PTPRD: variants seen among roughly 807,000 people sequenced by gnomAD.
PTPRD encodes the protein receptor-type tyrosine-protein phosphatase delta.
In PTPRD, 34 loss-of-function variants were observed where a neutral mutation model predicts 214.5. The observed-to-expected ratio is 0.16, with a 90% CI of 0.12 to 0.21. PTPRD has a LOEUF of 0.21. Among genes scored for constraint, PTPRD ranks in the 10% least tolerant of loss-of-function variants. The pLI is 1.00. For synonymous variants in PTPRD, 1,128 were observed against 845.7 expected (o/e 1.33, Z -5.79); for missense variants, 2,545 against 2,398.7 (o/e 1.06, Z -1.27).
intron 2 of PTPRD, among the ~76,000 whole-genome samples, chr9:10,487,847 T>TAA (rs1206683292): frequency 2.1e-5 from 3 of 143,880 alleles, no homozygotes; most frequent in African/African-American, 7.7e-5. Flanking sequence ...TTTTTTTTTT[T>TAA]AAAAAGGAGA....
At chr9:9,566,842 T>C (rs2084698053) in intron 8 of PTPRD, among the ~76,000 whole-genome samples, 1 of 151,980 alleles carries the variant, frequency 6.6e-6, no homozygotes, top group African/African-American at 2.4e-5. Context: ...ATGAAAGAAA[T>C]GCTCCGAACA....
chr9:9,334,048 A>C (rs1330798331), intron 9 of PTPRD, among the ~76,000 whole-genome samples: 2 of 151,956 alleles, frequency 1.3e-5, no homozygotes, highest in Admixed American at 1.3e-4. Flanking sequence ...AAAATGCTTA[A>C]TTTTATCAAT....
intron 43 of PTPRD, among the ~76,000 whole-genome samples, chr9:8,338,331 G>C (rs1432117131): frequency 6.6e-6 from 1 of 152,114 alleles, no homozygotes; most frequent in Non-Finnish European, 1.5e-5. Flanking sequence ...ATCCAGATAA[G>C]AAATGCAGGA....
At chr9:8,657,374 G>A (rs1256619132) in intron 12 of PTPRD, among the ~76,000 whole-genome samples, 2 of 151,824 alleles carry the variant, frequency 1.3e-5, no homozygotes, top group East Asian at 3.9e-4. Flanking sequence ...TCACTATGTT[G>A]GCCAGGCTGG....
At chr9:9,112,366 C>A (rs150542757) in intron 10 of PTPRD, among the ~76,000 whole-genome samples, 1 of 152,146 alleles carries the variant, frequency 6.6e-6, no homozygotes, top group Non-Finnish European at 1.5e-5. Context: ...TTCCCCTCCT[C>A]TCCAGCCTCT....
chr9:9,047,319 G>A (rs151300997), intron 10 of PTPRD, among the ~76,000 whole-genome samples: 100 of 151,924 alleles, frequency 6.6e-4, no homozygotes, highest in East Asian at 4.4e-3. Flanking sequence ...CTTAAAATGC[G>A]CATACTACCC....
intron 2 of PTPRD, among the ~76,000 whole-genome samples, chr9:10,505,909 TAATC>T (rs1404880367): frequency 6.6e-6 from 1 of 152,048 alleles, no homozygotes; most frequent in Non-Finnish European, 1.5e-5. Flanking sequence ...AGCAGAAAAA[TAATC>T]AATAAGTAGA....
intron 45 of PTPRD, among the ~76,000 whole-genome samples, chr9:8,319,096 A>C (rs1824648769): frequency 1.3e-5 from 2 of 152,178 alleles, no homozygotes; most frequent in South Asian, 2.1e-4. Context: ...AGCTGGCATA[A>C]TGTTTTGACT....
Position 9,195,086 on chromosome 9 carries a change from G to GTGTATA in PTPRD, c.-202-11724_-202-11723insTATACA, listed in dbSNP as rs1554959656. On this transcript the variant is annotated intron_variant, in intron 9 of 45. Transcript: ENST00000381196. ...CATATATACATATGTGTGTGTTTGT[G>GTGTATA]TATATATATATATATATATATACAC... 9.1e-4 allele frequency among the ~76,000 whole-genome samples: 120 copies of GTGTATA among 131,192 alleles called. 2 individuals are homozygous for GTGTATA. Among genetic ancestry groups the GTGTATA allele is most frequent in the African/African-American group, 2.3e-3 (84 of 36,520 alleles). The allele number at this position is 131,192 out of a possible 152,430, so 86.1% of individuals were successfully genotyped here.
intron 2 of PTPRD, among the ~76,000 whole-genome samples, chr9:10,595,391 A>G (rs2076386636): frequency 6.6e-6 from 1 of 151,848 alleles, no homozygotes; most frequent in Admixed American, 6.6e-5. Flanking sequence ...ATTACTTCCA[A>G]ATAAGTTGGA....
chr9:8,375,841 T>G, intron 39 of PTPRD, 95 bp downstream of exon 39: 2 of 1,404,324 alleles, frequency 1.4e-6, no homozygotes, highest in Non-Finnish European at 1.9e-6. Flanking sequence ...ATGAAGACAT[T>G]TACTATTCCA....
At chr9:9,193,836 G>A (rs936845023) in intron 9 of PTPRD, among the ~76,000 whole-genome samples, 2 of 152,072 alleles carry the variant, frequency 1.3e-5, no homozygotes, top group African/African-American at 4.8e-5. Flanking sequence ...TATACGCACT[G>A]TAAACTTTGG....
intron 8 of PTPRD, among the ~76,000 whole-genome samples, chr9:9,418,310 A>G (rs1362229154): frequency 1.3e-5 from 2 of 152,022 alleles, no homozygotes; most frequent in Non-Finnish European, 2.9e-5. Flanking sequence ...ATAGTTTCTT[A>G]TGTCTAAAAT....
At chr9:8,612,427 A>G (rs1451575758) in intron 14 of PTPRD, among the ~76,000 whole-genome samples, 2 of 152,204 alleles carry the variant, frequency 1.3e-5, no homozygotes, top group East Asian at 1.9e-4. Context: ...AATTAAGTGG[A>G]GGTGTTTGAG....
At chr9:10,605,718 A>G (rs938128178) in intron 2 of PTPRD, among the ~76,000 whole-genome samples, 7 of 151,810 alleles carry the variant, frequency 4.6e-5, no homozygotes, top group African/African-American at 7.2e-5. Context: ...CTTTTTCTCT[A>G]TGGAATCAAA....
In PTPRD at chr9:9,982,026, A is replaced by G. The variant is rs374528999; in HGVS notation, c.-471-43416T>C. On this transcript the variant is annotated intron_variant, in intron 4 of 45. Coordinates refer to ENST00000381196, the MANE Select transcript of PTPRD (RefSeq NM_002839.4). ...AGTAAATGAGCAATGATAATTTACC[A>G]TAATTTGCTTTACCAGATTGCTTCC... is the stretch of plus-strand genomic sequence containing the variant. Among the ~76,000 whole-genome samples, 14 of 152,302 alleles carry G rather than the reference A, an allele frequency of 9.2e-5. No homozygotes were observed. The East Asian group carries it at 1.4e-3, about 15-fold the overall frequency.
At chr9:8,907,060 C>T (rs779166101) in intron 11 of PTPRD, among the ~76,000 whole-genome samples, 1 of 152,076 alleles carries the variant, frequency 6.6e-6, no homozygotes, top group Non-Finnish European at 1.5e-5. Flanking sequence ...ATGTATCTAT[C>T]AGCAGATGAC....
At chr9:9,669,876 T>C (rs2096794601) in intron 7 of PTPRD, among the ~76,000 whole-genome samples, 1 of 152,196 alleles carries the variant, frequency 6.6e-6, no homozygotes, top group South Asian at 2.1e-4. Context: ...TAGCCATGTG[T>C]CCATAAAGAT....
At chr9:9,819,313 C>T (rs534356115) in intron 5 of PTPRD, among the ~76,000 whole-genome samples, 7 of 152,096 alleles carry the variant, frequency 4.6e-5, no homozygotes, top group Non-Finnish European at 1.0e-4. Context: ...TTTTTAAAGG[C>T]TTTTACAGTA....
Sources: allele counts gnomAD v4.1 joint callset (sites outside exome capture counted in the v4.1 genomes callset), GRCh38; gene constraint gnomAD v4.1.1; transcripts MANE v1.5; gene names NCBI Gene and HGNC (gene_info 2026-07-23, HGNC 2026-07-21).